The following SYT1 variants were observed in gnomAD, a reference collection of about 807,000 sequenced individuals.
SYT1 encodes the protein synaptotagmin-1.
Under a neutral mutation model 44.8 loss-of-function variants are expected in SYT1, and 8 were observed. That is an observed-to-expected ratio of 0.18 (90% CI 0.10 to 0.32). The LOEUF (loss-of-function observed/expected upper bound fraction) is 0.32. Among genes scored for constraint, SYT1 ranks in the 10% least tolerant of loss-of-function variants. The probability of loss-of-function intolerance (pLI) is 1.00; values close to 1 mark genes in which losing one functional copy is unlikely to be tolerated. For synonymous variants in SYT1, 154 were observed against 188.8 expected, an observed-to-expected ratio of 0.82 and a Z score of 1.51; for missense variants, 286 against 509.3, an observed-to-expected ratio of 0.56 and a Z score of 4.22.
chr12:79,023,970 C>T (rs550320682), intron 2 of SYT1, among the ~76,000 whole-genome samples: 41 of 151,894 alleles, frequency 2.7e-4, no homozygotes, highest in Admixed American at 5.3e-4. Flanking sequence ...GGAAATTTCA[C>T]ATTGATGCAA....
intron 3 of SYT1, among the ~76,000 whole-genome samples, chr12:79,114,547 C>T (rs988791725): frequency 1.3e-5 from 2 of 152,078 alleles, no homozygotes; most frequent in Admixed American, 1.3e-4. Context: ...CATCATAACT[C>T]CTACAGTGCT....
chr12:79,343,425 C>G (rs1004977398), intron 8 of SYT1, among the ~76,000 whole-genome samples: 3 of 152,120 alleles, frequency 2.0e-5, no homozygotes, highest in Non-Finnish European at 4.4e-5. Context: ...TTTTTACATA[C>G]TAACTGATGT....
At chr12:79,284,854 G>A (rs923822734) in intron 4 of SYT1, among the ~76,000 whole-genome samples, 8 of 143,448 alleles carry the variant, frequency 5.6e-5, no homozygotes, top group African/African-American at 7.7e-5. Context: ...AAAAAAAAAA[G>A]AATTGATAGC....
At chr12:79,181,464 A>G (rs922254088) in intron 3 of SYT1, among the ~76,000 whole-genome samples, 1 of 152,066 alleles carries the variant, frequency 6.6e-6, no homozygotes, top group Non-Finnish European at 1.5e-5. Flanking sequence ...ATCAATACAT[A>G]TAGCATTTTT....
rs1168485148 is a variant in SYT1, at chr12:79,408,158, C to G, written c.929-35915C>G. ...AGTAGCAGCCAAGGATTTGGGCAGC[C>G]CTTTCTAGTCCTAACAGAGGGGATT... On this transcript the variant is annotated intron_variant, in intron 9 of 10. Coordinates refer to ENST00000261205, the MANE Select transcript of SYT1 (RefSeq NM_005639.3). 2.0e-5 allele frequency among the ~76,000 whole-genome samples: 3 copies of G among 152,214 alleles called. No homozygotes were observed. The East Asian group carries it at 5.8e-4, about 29-fold the overall frequency.
chr12:78,968,155 G>A (rs1868292744), intron 1 of SYT1, among the ~76,000 whole-genome samples: 1 of 152,074 alleles, frequency 6.6e-6, no homozygotes, highest in Admixed American at 6.6e-5. Context: ...ATGCAATGTG[G>A]AATTAATATT....
rs1565825913 is a variant in SYT1, at chr12:79,145,764, TGTTTG to T, written c.-17-71738_-17-71734del. 1.8e-3 allele frequency among the ~76,000 whole-genome samples: 274 copies of T among 149,128 alleles called. 2 individuals are homozygous for T. The highest frequency in any genetic ancestry group is 5.7e-3 in the African/African-American group (222 of 38,834). The stretch of plus-strand genomic sequence containing the variant: ...TTTTTTTTTTTTTTGTTTGTTTGTT[TGTTTG>T]TTTTTTGAGACGGAGTCTCGCTCTG... On this transcript the variant is annotated intron_variant, in intron 3 of 10. Coordinates refer to ENST00000261205, the MANE Select transcript of SYT1 (RefSeq NM_005639.3).
intron 1 of SYT1, among the ~76,000 whole-genome samples, chr12:78,920,995 G>T (rs962967673): frequency 2.6e-5 from 4 of 151,614 alleles, no homozygotes; most frequent in Admixed American, 6.6e-5. Context: ...TTTCTTCTCT[G>T]CATCATCAGT....
At chr12:79,159,521 T>C (rs1425786435) in intron 3 of SYT1, among the ~76,000 whole-genome samples, 1 of 152,186 alleles carries the variant, frequency 6.6e-6, no homozygotes, top group Admixed American at 6.5e-5. Flanking sequence ...TATTACAGTA[T>C]ATTATTATAA....
chr12:79,087,031 G>T (rs1042122371), intron 3 of SYT1, among the ~76,000 whole-genome samples: 1 of 152,160 alleles, frequency 6.6e-6, no homozygotes, highest in Non-Finnish European at 1.5e-5. Flanking sequence ...AGTTACAACA[G>T]TCAGAAACAA....
At chr12:78,892,928 G>GA (rs1875136885) in intron 1 of SYT1, among the ~76,000 whole-genome samples, 1 of 151,752 alleles carries the variant, frequency 6.6e-6, no homozygotes. Context: ...TTCTTGAATT[G>GA]AAAAATTAGG....
intron 3 of SYT1, among the ~76,000 whole-genome samples, chr12:79,062,327 C>T (rs558861176): frequency 5.9e-5 from 9 of 152,244 alleles, no homozygotes; most frequent in African/African-American, 2.2e-4. Flanking sequence ...ACAGTAGCTG[C>T]CTACCAGGTT....
At chr12:79,366,894 C>CTGTGTGTG (rs3995413) in intron 9 of SYT1, among the ~76,000 whole-genome samples, 3,467 of 117,416 alleles carry the variant, frequency 0.03, 107 homozygotes, top group Non-Finnish European at 0.041. Context: ...ATAAATAATA[C>CTGTGTGTG]TGTGTGTGTG....
chr12:79,061,389 C>T (rs577577008), intron 3 of SYT1, among the ~76,000 whole-genome samples: 2 of 152,178 alleles, frequency 1.3e-5, no homozygotes, highest in East Asian at 3.9e-4. Flanking sequence ...TAGACATCAT[C>T]ACCATTTTAC....
intron 2 of SYT1, among the ~76,000 whole-genome samples, chr12:79,009,022 G>A (rs955849300): frequency 1.3e-4 from 20 of 152,118 alleles, no homozygotes; most frequent in African/African-American, 4.3e-4. Flanking sequence ...AGATTACTTG[G>A]AACATGATTG....
intron 3 of SYT1, among the ~76,000 whole-genome samples, chr12:79,209,336 T>C (rs1180366682): frequency 6.6e-6 from 1 of 152,288 alleles, no homozygotes; most frequent in Admixed American, 6.5e-5. Flanking sequence ...TCATTTTTTT[T>C]CCAAAAATAT....
chr12:79,384,570 A>G (rs867824767), intron 9 of SYT1, among the ~76,000 whole-genome samples: 4 of 152,198 alleles, frequency 2.6e-5, no homozygotes, highest in Admixed American at 1.3e-4. Context: ...ATGACTTTAC[A>G]TTCCATTGCT....
intron 3 of SYT1, among the ~76,000 whole-genome samples, chr12:79,156,068 G>A (rs747937634): frequency 7.9e-5 from 12 of 152,282 alleles, no homozygotes; most frequent in East Asian, 5.8e-4. Context: ...ATCAAGTACC[G>A]TATGCCAAGT....
At chr12:79,433,172 A>C (rs1305668374) in intron 9 of SYT1, among the ~76,000 whole-genome samples, 27 of 152,230 alleles carry the variant, frequency 1.8e-4, no homozygotes, top group Non-Finnish European at 7.3e-5. Context: ...CAGATATCTT[A>C]AAGCAAGTGC....
Sources: allele counts gnomAD v4.1 joint callset (sites outside exome capture counted in the v4.1 genomes callset), GRCh38; gene constraint gnomAD v4.1.1; transcripts MANE v1.5; gene names NCBI Gene and HGNC (gene_info 2026-07-23, HGNC 2026-07-21).